PDE4D: variants seen among roughly 807,000 people sequenced by gnomAD.
PDE4D encodes the protein phosphodiesterase 4D.
PDE4D carries 24 observed loss-of-function variants against 87.4 expected under a neutral mutation model. That is an observed-to-expected ratio of 0.27 (90% CI 0.20 to 0.39). PDE4D has a LOEUF of 0.39. PDE4D is among the 10% of genes least tolerant of loss of function. The pLI, the probability that PDE4D is intolerant of heterozygous loss-of-function variation, is 1.00. For missense variants in PDE4D, 714 were observed against 1,041.0 expected (o/e 0.69, Z 4.32); for synonymous variants, 384 against 383.2 (o/e 1.00, Z -0.02).
chr5:59,677,688 T>C (rs1748333179), intron 1 of PDE4D, among the ~76,000 whole-genome samples: 1 of 152,136 alleles, frequency 6.6e-6, no homozygotes, highest in African/African-American at 2.4e-5. Flanking sequence ...TGTACTGATG[T>C]TACTATAATG....
intron 1 of PDE4D, among the ~76,000 whole-genome samples, chr5:59,335,130 T>C (rs1251026372): frequency 6.6e-6 from 1 of 152,222 alleles, no homozygotes; most frequent in African/African-American, 2.4e-5. Flanking sequence ...TTAATGTTTT[T>C]CTTCGCTATT....
chr5:59,927,417 A>T (rs768903135), intron 3 of PDE4D, among the ~76,000 whole-genome samples: 5 of 152,234 alleles, frequency 3.3e-5, no homozygotes, highest in Non-Finnish European at 4.4e-5. Context: ...TGGTAACCAG[A>T]CAAAGCACAC....
At chr5:59,601,454 C>T (rs1390134684) in intron 1 of PDE4D, among the ~76,000 whole-genome samples, 3 of 151,698 alleles carry the variant, frequency 2.0e-5, no homozygotes, top group Non-Finnish European at 4.4e-5. Flanking sequence ...TGAATGGCAC[C>T]CTATAATGAG....
intron 1 of PDE4D, among the ~76,000 whole-genome samples, chr5:59,770,766 C>T (rs1420533293): frequency 6.6e-6 from 1 of 152,126 alleles, no homozygotes; most frequent in Admixed American, 6.6e-5. Flanking sequence ...TCTGAAGACT[C>T]AGTTCCATTC....
At chr5:59,305,847 T>C (rs1771225091) in intron 1 of PDE4D, among the ~76,000 whole-genome samples, 1 of 152,168 alleles carries the variant, frequency 6.6e-6, no homozygotes, top group African/African-American at 2.4e-5. Context: ...GAAAGTTCCA[T>C]GCACTGTTGA....
intron 1 of PDE4D, among the ~76,000 whole-genome samples, chr5:59,297,821 C>T (rs1324375970): frequency 1.3e-5 from 2 of 152,076 alleles, no homozygotes; most frequent in Non-Finnish European, 2.9e-5. Context: ...CAAATATGGA[C>T]TTTTAAAGCT....
intron 1 of PDE4D, among the ~76,000 whole-genome samples, chr5:59,421,927 C>G (rs1176145541): frequency 6.6e-6 from 1 of 152,048 alleles, no homozygotes; most frequent in South Asian, 2.1e-4. Context: ...GACAAAGCAC[C>G]AGACACATAA....
intron 1 of PDE4D, among the ~76,000 whole-genome samples, chr5:59,660,642 CT>C (rs1745087846): frequency 6.6e-6 from 1 of 152,106 alleles, no homozygotes; most frequent in African/African-American, 2.4e-5. Context: ...ATTCAAACCC[CT>C]GGGACTGAGA....
At chr5:60,074,759 A>C (rs1252565115) in intron 2 of PDE4D, among the ~76,000 whole-genome samples, 1 of 152,158 alleles carries the variant, frequency 6.6e-6, no homozygotes, top group African/African-American at 2.4e-5. Flanking sequence ...ATTACATAAT[A>C]TCCTTCTTCA....
intron 5 of PDE4D, among the ~76,000 whole-genome samples, chr5:59,122,764 G>A (rs1007744583): frequency 5.9e-5 from 9 of 152,142 alleles, no homozygotes; most frequent in African/African-American, 7.2e-5. Flanking sequence ...ACAATGTTGT[G>A]CAACCACCAC....
At chr5:59,094,956 C>T (rs1388875426) in intron 5 of PDE4D, among the ~76,000 whole-genome samples, 1 of 151,854 alleles carries the variant, frequency 6.6e-6, no homozygotes, top group African/African-American at 2.4e-5. Flanking sequence ...CGGGAATCAA[C>T]AAGCTGCACA....
chr5:59,945,202 A>C (rs183520222), intron 3 of PDE4D, among the ~76,000 whole-genome samples: 6 of 152,378 alleles, frequency 3.9e-5, no homozygotes, highest in African/African-American at 1.4e-4. Flanking sequence ...TTATTGGAGC[A>C]GAATAAATGG....
chr5:60,303,973 T>C (rs2149798270), intron 1 of PDE4D: 1 of 152,320 alleles, frequency 6.6e-6, no homozygotes, highest in East Asian at 1.9e-4. Context: ...ATCTGAGTGC[T>C]CCCGTATTGG....
intron 5 of PDE4D, among the ~76,000 whole-genome samples, chr5:59,067,518 G>A (rs895768097): frequency 6.6e-6 from 1 of 152,094 alleles, no homozygotes; most frequent in Non-Finnish European, 1.5e-5. Flanking sequence ...TCTATATGAT[G>A]GCATTTAAAT....
intron 1 of PDE4D, among the ~76,000 whole-genome samples, chr5:59,705,434 T>C (rs1428744822): frequency 1.3e-5 from 2 of 151,934 alleles, no homozygotes; most frequent in Non-Finnish European, 2.9e-5. Context: ...AATGCAAACA[T>C]AGGAAAGAGC....
intron 5 of PDE4D, chr5:59,125,455 C>A (rs775671236): frequency 5.6e-6 from 1 of 177,472 alleles, no homozygotes; most frequent in Non-Finnish European, 1.1e-5. Context: ...GCACTTCCTG[C>A]TGCAAATTAG....
chr5:60,106,761 G>A (rs1271913109), intron 2 of PDE4D, among the ~76,000 whole-genome samples: 1 of 151,974 alleles, frequency 6.6e-6, no homozygotes, highest in Non-Finnish European at 1.5e-5. Context: ...AATGACTACT[G>A]GGTACATAAC....
At chr5:60,152,449 C>T (rs747850232) in intron 2 of PDE4D, among the ~76,000 whole-genome samples, 5 of 152,026 alleles carry the variant, frequency 3.3e-5, no homozygotes, top group Non-Finnish European at 5.9e-5. Context: ...GTCAGGAGAT[C>T]GAGACCATCC....
At chr5:59,000,240 C>A (rs758402639) in intron 6 of PDE4D, among the ~76,000 whole-genome samples, 2 of 152,196 alleles carry the variant, frequency 1.3e-5, no homozygotes, top group Admixed American at 1.3e-4. Context: ...AATTGCCCAT[C>A]CTTTTGGAGG....
Sources: allele counts gnomAD v4.1 joint callset (sites outside exome capture counted in the v4.1 genomes callset), GRCh38; gene constraint gnomAD v4.1.1; transcripts MANE v1.5; gene names NCBI Gene and HGNC (gene_info 2026-07-23, HGNC 2026-07-21).